The following DAP variants were observed in gnomAD, a reference collection of about 807,000 sequenced individuals.
The protein encoded by DAP is death-associated protein 1.
A neutral mutation model predicts 13.8 loss-of-function variants in DAP; 8 were observed. The ratio of observed to expected loss-of-function variants is 0.58; its 90% CI spans 0.34 to 1.05. The LOEUF is 1.05. DAP is among the 50% of genes least tolerant of loss of function. The probability of loss-of-function intolerance (pLI) is 0.03; values close to 1 mark genes in which losing one functional copy is unlikely to be tolerated. For missense variants in DAP, 106 were observed against 133.2 expected, an observed-to-expected ratio of 0.80 and a Z score of 1.01; for synonymous variants, 47 against 47.5, an observed-to-expected ratio of 0.99 and a Z score of 0.04.
intron 2 of DAP, among the ~76,000 whole-genome samples, chr5:10,747,576 G>A (rs1739937192): frequency 6.6e-6 from 1 of 152,214 alleles, no homozygotes; most frequent in African/African-American, 2.4e-5. Flanking sequence ...TTCAACTAGT[G>A]CGGCAATTCT....
chr5:10,691,264 C>T (rs1738300261), intron 2 of DAP, among the ~76,000 whole-genome samples: 1 of 152,248 alleles, frequency 6.6e-6, no homozygotes, highest in Non-Finnish European at 1.5e-5. Context: ...TGTAACTTGT[C>T]CCGTGACAGA....
intron 2 of DAP, among the ~76,000 whole-genome samples, chr5:10,737,358 A>C (rs1561028796): frequency 6.7e-6 from 1 of 149,650 alleles, no homozygotes; most frequent in Non-Finnish European, 1.5e-5. Flanking sequence ...AAAAAAAACA[A>C]AAACAAAAAC....
chr5:10,722,003 G>A (rs2126659420), intron 2 of DAP, among the ~76,000 whole-genome samples: 1 of 152,306 alleles, frequency 6.6e-6, no homozygotes, highest in African/African-American at 2.4e-5. Context: ...GTAGTACAAA[G>A]GATAGTTGTA....
intron 1 of DAP, among the ~76,000 whole-genome samples, chr5:10,754,396 C>A (rs1266386473): frequency 6.6e-6 from 1 of 152,180 alleles, no homozygotes; most frequent in East Asian, 1.9e-4. Context: ...CCTGAATTTG[C>A]ACTCTCGTTG....
chr5:10,703,584 A>C (rs1398821997), intron 2 of DAP, among the ~76,000 whole-genome samples: 1 of 152,282 alleles, frequency 6.6e-6, no homozygotes, highest in African/African-American at 2.4e-5. Flanking sequence ...AAATATGCCA[A>C]AGGATCCATA....
chr5:10,750,512 G>A (rs1422774468), intron 1 of DAP, among the ~76,000 whole-genome samples: 3 of 152,120 alleles, frequency 2.0e-5, no homozygotes, highest in African/African-American at 7.2e-5. Context: ...ATTCTACTTG[G>A]GGCAGAAGGA....
chr5:10,697,289 TGCGCG>T, intron 2 of DAP, among the ~76,000 whole-genome samples: 1 of 152,350 alleles, frequency 6.6e-6, no homozygotes, highest in East Asian at 1.9e-4. Context: ...ACAAGACAGA[TGCGCG>T]GCTGTCCAGC....
chr5:10,683,316 C>T (rs1442279994), intron 3 of DAP: 11 of 635,396 alleles, frequency 1.7e-5, no homozygotes, highest in Non-Finnish European at 2.8e-5. Flanking sequence ...CACCAGACGG[C>T]GGCTCTGGAA....
rs751662828 is a variant in DAP, at chr5:10,748,177, G to A, written c.150C>T (p.Pro50=). The part of the protein sequence containing the change: ...KDKDDQEWES[P]SPPKPTVFIS... ...AAGAGTCGCTAGCATCATCCCACCT[G>A]GGGCTTTCCCATTCCTGGTCATCCT... Residue 50 remains proline, a splice_region_variant and synonymous_variant, in exon 2 of 4, where the codon CCC becomes CCT. Transcript: ENST00000230895. 1.2e-6 allele frequency: 2 copies of A among 1,609,550 alleles called. No individual in the cohort carries two copies. The highest frequency in any genetic ancestry group is 1.1e-5 in the South Asian group (1 of 90,994).
intron 2 of DAP, among the ~76,000 whole-genome samples, chr5:10,730,548 G>A (rs143233085): frequency 2.6e-3 from 379 of 147,972 alleles, no homozygotes; most frequent in African/African-American, 8.5e-3. Flanking sequence ...GCCCTGGTAG[G>A]GGGAATCTTT....
intron 2 of DAP, among the ~76,000 whole-genome samples, chr5:10,722,576 A>G (rs541772929): frequency 1.4e-5 from 2 of 144,836 alleles, no homozygotes; most frequent in East Asian, 3.9e-4. Context: ...ATACATACAT[A>G]CATATATATA....
intron 3 of DAP, 65 bp downstream of exon 3, chr5:10,683,464 C>T: frequency 6.8e-7 from 1 of 1,479,658 alleles, no homozygotes; most frequent in East Asian, 2.3e-5. Flanking sequence ...AAACCAGAAG[C>T]AACCAGGAGA....
intron 1 of DAP, among the ~76,000 whole-genome samples, chr5:10,748,921 A>G (rs1188038033): frequency 6.6e-6 from 1 of 152,250 alleles, no homozygotes. Flanking sequence ...AACCATTGCC[A>G]TAATCAATTT....
At chr5:10,699,388 G>A (rs1416387198) in intron 2 of DAP, among the ~76,000 whole-genome samples, 1 of 152,228 alleles carries the variant, frequency 6.6e-6, no homozygotes, top group Non-Finnish European at 1.5e-5. Context: ...ACAGGCATTT[G>A]GTGTTCACAC....
chr5:10,745,174 T>A (rs1028208381), intron 2 of DAP, among the ~76,000 whole-genome samples: 3 of 152,018 alleles, frequency 2.0e-5, no homozygotes, highest in African/African-American at 7.2e-5. Context: ...GTGGTAAAAG[T>A]AAACTATTAC....
intron 2 of DAP, among the ~76,000 whole-genome samples, chr5:10,745,995 T>C (rs1418573664): frequency 1.3e-5 from 2 of 152,198 alleles, no homozygotes; most frequent in Non-Finnish European, 2.9e-5. Context: ...TAACCTGAAG[T>C]GACACTAGTC....
intron 3 of DAP, among the ~76,000 whole-genome samples, chr5:10,682,286 G>C (rs1405920506): frequency 6.6e-6 from 1 of 151,162 alleles, no homozygotes. Context: ...GGGTTTGTAT[G>C]TGAGGAAGCC....
intron 2 of DAP, among the ~76,000 whole-genome samples, chr5:10,692,211 A>C (rs1738325083): frequency 7.0e-6 from 1 of 143,150 alleles, no homozygotes; most frequent in African/African-American, 2.7e-5. Context: ...CCAACATGTA[A>C]CTCATATAAA....
At chr5:10,739,311 G>C (rs1189029186) in intron 2 of DAP, among the ~76,000 whole-genome samples, 1 of 144,978 alleles carries the variant, frequency 6.9e-6, no homozygotes, top group African/African-American at 2.6e-5. Flanking sequence ...GATTTTTTTA[G>C]TACTTTTTTT....
Sources: allele counts gnomAD v4.1 joint callset (sites outside exome capture counted in the v4.1 genomes callset), GRCh38; gene constraint gnomAD v4.1.1; transcripts MANE v1.5; gene names NCBI Gene and HGNC (gene_info 2026-07-23, HGNC 2026-07-21).